ZBTB16: variants seen among roughly 807,000 people sequenced by gnomAD.
ZBTB16 encodes zinc finger and BTB domain containing 16.
ZBTB16 carries 8 observed loss-of-function variants against 56.8 expected under a neutral mutation model. That is an observed-to-expected ratio of 0.14 (90% confidence interval 0.08 to 0.25). The LOEUF is 0.25. ZBTB16 is among the 10% of genes least tolerant of loss of function. The pLI is 1.00. For synonymous variants in ZBTB16, 363 were observed against 368.5 expected (o/e 0.98, Z 0.17); for missense variants, 625 against 903.0 (o/e 0.69, Z 3.95).
chr11:114,233,645 C>T (rs1166916429), intron 4 of ZBTB16, among the ~76,000 whole-genome samples: 1 of 151,854 alleles, frequency 6.6e-6, no homozygotes, highest in Non-Finnish European at 1.5e-5. Context: ...TTTTATCCAC[C>T]CCTTTTCTTG....
At chr11:114,140,692 C>T (rs144470980) in intron 2 of ZBTB16, among the ~76,000 whole-genome samples, 5 of 152,280 alleles carry the variant, frequency 3.3e-5, no homozygotes, top group East Asian at 1.9e-4. Context: ...ACTCTTACTC[C>T]GTGGAGTCAC....
At chr11:114,102,913 A>G (rs1456725099) in intron 2 of ZBTB16, among the ~76,000 whole-genome samples, 1 of 152,202 alleles carries the variant, frequency 6.6e-6, no homozygotes, top group Non-Finnish European at 1.5e-5. Context: ...AGAGCCAGCT[A>G]AAGCTCTTTC....
In ZBTB16 at chr11:114,256,157, C is replaced by G. The variant is rs772726690; in HGVS notation, c.*5602C>G. On this transcript the variant is annotated 3_prime_UTR_variant, in exon 7 of 7. Transcript: ENST00000335953. ...GACTTATCTATGTGTCACTTTTATG[C>G]CACATTTACAAGGCACAGATGCACT... is the stretch of plus-strand genomic sequence containing the variant. Among the ~76,000 whole-genome samples the G allele has an allele frequency of 6.6e-6, 1 of 151,760 alleles. No individual in the cohort carries two copies. Among genetic ancestry groups the G allele is most frequent in the Non-Finnish European group, 1.5e-5 (1 of 67,984 alleles).
chr11:114,176,771 C>T (rs1309914595), intron 3 of ZBTB16, among the ~76,000 whole-genome samples: 1 of 152,192 alleles, frequency 6.6e-6, no homozygotes. Flanking sequence ...CCAAGGGTTA[C>T]ACAGCTCAGG....
intron 2 of ZBTB16, among the ~76,000 whole-genome samples, chr11:114,075,838 T>C (rs1013694367): frequency 1.3e-5 from 2 of 152,078 alleles, no homozygotes; most frequent in East Asian, 1.9e-4. Context: ...AGACCAAAAG[T>C]TTTCCCCCCA....
intron 2 of ZBTB16, among the ~76,000 whole-genome samples, chr11:114,148,465 C>CTTTCTT (rs1187503856): frequency 0.014 from 773 of 53,524 alleles, 102 homozygotes; most frequent in East Asian, 0.027. Context: ...CTGTCTCTCT[C>CTTTCTT]TCTCTCTTTC....
At chr11:114,151,771 C>G (rs901930186) in intron 2 of ZBTB16, among the ~76,000 whole-genome samples, 8 of 152,192 alleles carry the variant, frequency 5.3e-5, no homozygotes, top group Admixed American at 1.3e-4. Flanking sequence ...AGCCTTCCCC[C>G]CTTGGTCCCT....
intron 1 of ZBTB16, among the ~76,000 whole-genome samples, chr11:114,062,129 G>A (rs1344762267): frequency 2.7e-5 from 4 of 150,068 alleles, no homozygotes; most frequent in Non-Finnish European, 4.4e-5. Context: ...CTGAGACGGA[G>A]TTTTGCTCCT....
intron 3 of ZBTB16, among the ~76,000 whole-genome samples, chr11:114,172,540 C>G (rs1274703467): frequency 6.6e-6 from 1 of 152,162 alleles, no homozygotes; most frequent in Non-Finnish European, 1.5e-5. Context: ...GCTGCCTGAC[C>G]CTGAAGCCCC....
chr11:114,070,131 T>C (rs1487040910), intron 2 of ZBTB16, among the ~76,000 whole-genome samples: 1 of 126,410 alleles, frequency 7.9e-6, no homozygotes, highest in East Asian at 2.6e-4. Context: ...AGACGGAGTC[T>C]CGCTCTGTCG....
chr11:114,156,531 C>T (rs1942416122), intron 3 of ZBTB16, 97 bp downstream of exon 3: 1 of 1,153,630 alleles, frequency 8.7e-7, no homozygotes. Flanking sequence ...TGCATGTCCC[C>T]ACTGCCCGCT....
At chr11:114,095,930 A>ATAGG (rs1940390191) in intron 2 of ZBTB16, among the ~76,000 whole-genome samples, 1 of 152,176 alleles carries the variant, frequency 6.6e-6, no homozygotes. Context: ...ATTCTCTCTG[A>ATAGG]TAGGTTGCCT....
At chr11:114,084,294 G>GC (rs1223828924) in intron 2 of ZBTB16, among the ~76,000 whole-genome samples, 2 of 152,126 alleles carry the variant, frequency 1.3e-5, no homozygotes, top group African/African-American at 4.8e-5. Context: ...TAGGGGTCTG[G>GC]CTTAGAGATG....
chr11:114,066,861 C>T (rs1591634341), intron 2 of ZBTB16, among the ~76,000 whole-genome samples: 3 of 151,024 alleles, frequency 2.0e-5, no homozygotes, highest in African/African-American at 7.3e-5. Flanking sequence ...GTCTCCACCT[C>T]CCGGGTTCAA....
At position 114,255,065 on chromosome 11, in the gene ZBTB16, C is replaced by G. The variant is rs898066173; in HGVS notation, c.*4510C>G. On this transcript the variant is annotated 3_prime_UTR_variant, in exon 7 of 7. Transcript: ENST00000335953. The stretch of plus-strand genomic sequence containing the variant: ...CATGATCTTCGTAAGGTTAAGAAGC[C>G]GTGGTGGTGCACCATGACATCCAAC... Among the ~76,000 whole-genome samples the G allele has an allele frequency of 6.6e-6, 1 of 152,012 alleles. No individual in the cohort carries two copies. Among genetic ancestry groups the G allele is most frequent in the Non-Finnish European group, 1.5e-5 (1 of 68,004 alleles).
In ZBTB16 at chr11:114,233,077, GCGCGCACACACACACA is replaced by G. The variant is rs1243830908; in HGVS notation, c.1454-9088_1454-9073del. 1.3e-3 allele frequency among the ~76,000 whole-genome samples: 45 copies of G among 35,782 alleles called. 3 individuals are homozygous for G. Among genetic ancestry groups the G allele is most frequent in the Middle Eastern group, 0.014 (1 of 72 alleles). 23.5% of individuals were successfully genotyped at this position (35,782 alleles called of 152,430 possible). A position where few individuals can be genotyped will look rare whatever the true frequency, so the allele number is the denominator to read the frequency against. On this transcript the variant is annotated intron_variant, in intron 4 of 6. Coordinates refer to ENST00000335953, the MANE Select transcript of ZBTB16 (RefSeq NM_006006.6). The stretch of plus-strand genomic sequence containing the variant: ...ACTGCACATACGCATGCGCGCGCGC[GCGCGCACACACACACA>G]CACACACACACACACACACACACAC...
chr11:114,085,859 G>A (rs1490759237), intron 2 of ZBTB16, among the ~76,000 whole-genome samples: 1 of 152,142 alleles, frequency 6.6e-6, no homozygotes, highest in Non-Finnish European at 1.5e-5. Flanking sequence ...TGAATACCAA[G>A]CTAGCTTTCT....
At chr11:114,100,768 A>T (rs1446131517) in intron 2 of ZBTB16, among the ~76,000 whole-genome samples, 2 of 152,164 alleles carry the variant, frequency 1.3e-5, no homozygotes, top group African/African-American at 4.8e-5. Context: ...AACCTTTTAT[A>T]AGACTGGGAT....
chr11:114,154,976 G>C (rs972856115), intron 2 of ZBTB16, among the ~76,000 whole-genome samples: 6 of 152,152 alleles, frequency 3.9e-5, no homozygotes, highest in Non-Finnish European at 8.8e-5. Flanking sequence ...CACACTGCTG[G>C]GTTCTCATTC....
Sources: allele counts gnomAD v4.1 joint callset (sites outside exome capture counted in the v4.1 genomes callset), GRCh38; gene constraint gnomAD v4.1.1; transcripts MANE v1.5; gene names NCBI Gene and HGNC (gene_info 2026-07-23, HGNC 2026-07-21).